SIRT2: variants seen among roughly 807,000 people sequenced by gnomAD.
SIRT2 encodes the protein sirtuin 2.
Under a neutral mutation model 57.4 loss-of-function variants are expected in SIRT2, and 40 were observed. That is an observed-to-expected ratio of 0.70 (90% CI 0.54 to 0.91). The LOEUF (loss-of-function observed/expected upper bound fraction) is 0.91. Among genes scored for constraint, SIRT2 ranks in the 40% least tolerant of loss-of-function variants. SIRT2 has a pLI of 0.00. For synonymous variants in SIRT2, 161 were observed against 195.7 expected, an observed-to-expected ratio of 0.82 and a Z score of 1.48; for missense variants, 439 against 510.4, an observed-to-expected ratio of 0.86 and a Z score of 1.35.
chr19:38,889,404 C>A, intron 7 of SIRT2: 1 of 697,424 alleles, frequency 1.4e-6, no homozygotes, highest in Admixed American at 2.1e-5. Context: ...CCCAGGCAGC[C>A]CGGCTGCAGG....
intron 13 of SIRT2, 32 bp from the exon 14 acceptor site, chr19:38,879,734 G>A: frequency 1.3e-6 from 2 of 1,522,470 alleles, no homozygotes; most frequent in South Asian, 1.2e-5. Flanking sequence ...AGGGGCAGGA[G>A]CAGGGAAGGG....
At chr19:38,885,623 G>T (rs1442411570) in intron 8 of SIRT2, among the ~76,000 whole-genome samples, 2 of 133,522 alleles carry the variant, frequency 1.5e-5, no homozygotes, top group Admixed American at 8.5e-5. Flanking sequence ...ACGGAGTCTT[G>T]CTCTGTTGCC....
rs773922002 is a variant in SIRT2, at chr19:38,883,618, C to T, written c.631+9G>A. 1.9e-5 allele frequency: 31 copies of T among 1,612,322 alleles called. No individual in the cohort carries two copies. In the South Asian group the frequency reaches 2.9e-4, roughly 15 times the overall value. ...GGAGGCCTGCCCTCAGGATGCCCTC[C>T]AGCCTCACCTTTCATCCAGCTTAGC... is the stretch of plus-strand genomic sequence containing the variant. On this transcript the variant is annotated intron_variant, in intron 9 of 15. Transcript: ENST00000249396.
At chr19:38,889,370 T>C in intron 7 of SIRT2, 2 of 715,014 alleles carry the variant, frequency 2.8e-6, no homozygotes, top group Non-Finnish European at 5.2e-6. Flanking sequence ...ACACGGTGGG[T>C]AAGCTGCAGA....
chr19:38,878,853 G>T lies in SIRT2; in HGVS notation c.*302C>A, dbSNP rs200434449. 8.7e-5 allele frequency: 28 copies of T among 321,530 alleles called. No homozygotes were observed. The highest frequency in any genetic ancestry group is 6.0e-4 in the African/African-American group (28 of 46,324). 19.9% of individuals were successfully genotyped at this position (321,530 alleles called of 1,614,324 possible). On this transcript the variant is annotated 3_prime_UTR_variant, in exon 16 of 16. Coordinates refer to ENST00000249396, the MANE Select transcript of SIRT2 (RefSeq NM_012237.4). ...GTCCTGGAAGAGTTAAAAGTTCTGGGGTAGCCCTGGCCCCGTGGGGGCAGT... is the reference window on the plus strand; with the variant it reads ...GTCCTGGAAGAGTTAAAAGTTCTGGTGTAGCCCTGGCCCCGTGGGGGCAGT...
Position 38,898,442 on chromosome 19 carries a change from G to T in SIRT2, c.17-17C>A. 6.6e-7 allele frequency: 1 copy of T among 1,507,398 alleles called. No homozygotes were observed. Among genetic ancestry groups the T allele is most frequent in the Non-Finnish European group, 9.0e-7 (1 of 1,117,108 alleles). The allele number at this position is 1,507,398 out of a possible 1,614,324, so 93.4% of individuals were successfully genotyped here. On this transcript the variant is annotated splice_polypyrimidine_tract_variant and intron_variant, in intron 1 of 15. Coordinates refer to ENST00000249396, the MANE Select transcript of SIRT2 (RefSeq NM_012237.4). ...GGTGAGAGGCTGGGGGAGGGGAGCAGAGGTGGTTACAGTGGGGAGAACGAT... is the reference window on the plus strand; with the variant it reads ...GGTGAGAGGCTGGGGGAGGGGAGCATAGGTGGTTACAGTGGGGAGAACGAT...
chr19:38,893,899 G>C, intron 2 of SIRT2, 32 bp from the exon 3 acceptor site: 1 of 1,613,502 alleles, frequency 6.2e-7, no homozygotes, highest in Middle Eastern at 1.7e-4. Context: ...GGCCAGGCCC[G>C]AGAGGTGGGA....
Position 38,879,246 on chromosome 19 carries a change from ACCCCCG to A in SIRT2, c.1073_1078del (p.Ala358_Gly359del). On this transcript the variant is annotated inframe_deletion, in exon 16 of 16. Transcript: ENST00000249396. ...GGAAGCTGAAGTGCTGGGGTTGGGG[ACCCCCG>A]CCCCCGACTGGGCATCTATGCTGGC... The A allele has an allele frequency of 6.2e-7, 1 of 1,601,534 alleles. No individual in the cohort carries two copies.
At chr19:38,891,953 G>C (rs1568403882) in intron 4 of SIRT2, 3 of 469,130 alleles carry the variant, frequency 6.4e-6, no homozygotes, top group Admixed American at 4.7e-5. Flanking sequence ...GCCTGAGGAG[G>C]GAGACAGTGG....
At chr19:38,889,536 C>G in intron 7 of SIRT2, 153 bp downstream of exon 7, 1 of 812,160 alleles carries the variant, frequency 1.2e-6, no homozygotes, top group Non-Finnish European at 2.0e-6. Flanking sequence ...GATGAAGACA[C>G]GAGGAACCAG....
At chr19:38,894,484 G>A (rs181462482) in intron 2 of SIRT2, 88 of 233,512 alleles carry the variant, frequency 3.8e-4, no homozygotes, top group South Asian at 1.1e-3. Context: ...AGCACCAGGG[G>A]CGGGGGAAGT....
intron 2 of SIRT2, among the ~76,000 whole-genome samples, chr19:38,897,076 G>A (rs4802998): frequency 0.71 from 108,219 of 152,152 alleles, 39,416 homozygotes; most frequent in East Asian, 0.97. Flanking sequence ...GCCGAGGGAC[G>A]GGGGATAAGT....
intron 9 of SIRT2, among the ~76,000 whole-genome samples, chr19:38,882,911 A>G (rs962647262): frequency 4.6e-5 from 7 of 152,048 alleles, no homozygotes; most frequent in Admixed American, 3.9e-4. Context: ...AGGAATCCTC[A>G]GCCCAGGGGC....
intron 8 of SIRT2, among the ~76,000 whole-genome samples, chr19:38,885,093 T>C (rs1022977590): frequency 1.3e-5 from 2 of 151,892 alleles, no homozygotes; most frequent in Admixed American, 6.6e-5. Flanking sequence ...CTGTGTTCTT[T>C]TCTTTTTTTG....
rs200416862 is a variant in SIRT2 at position 38,879,626 on chromosome 19, C to A, written c.947+6G>T. 1.9e-6 allele frequency: 3 copies of A among 1,567,710 alleles called. No homozygotes were observed. The highest frequency in any genetic ancestry group is 2.6e-6 in the Non-Finnish European group (3 of 1,156,004). On this transcript the variant is annotated splice_donor_region_variant and intron_variant, in intron 14 of 15. Coordinates refer to ENST00000249396, the MANE Select transcript of SIRT2 (RefSeq NM_012237.4). Reference sequence around the variant, plus strand: ...CAGGCTGCCCCAACCCCCGGCGGGGCCTCACCTGTAGGCCTTCTTGGAGTC... The same window carrying A: ...CAGGCTGCCCCAACCCCCGGCGGGGACTCACCTGTAGGCCTTCTTGGAGTC...
chr19:38,895,402 A>T (rs149390850), intron 2 of SIRT2, among the ~76,000 whole-genome samples: 5 of 152,230 alleles, frequency 3.3e-5, no homozygotes, highest in African/African-American at 1.2e-4. Context: ...GGTGCCCAGC[A>T]CTGAGAACAG....
At chr19:38,881,052 A>C in intron 11 of SIRT2, 48 bp downstream of exon 11, 1 of 1,593,864 alleles carries the variant, frequency 6.3e-7, no homozygotes, top group Non-Finnish European at 8.6e-7. Flanking sequence ...GGCCCAGCAC[A>C]GGTGGAGGCG....
chr19:38,889,187 C>A, intron 7 of SIRT2, 32 bp from the exon 8 acceptor site: 1 of 1,598,604 alleles, frequency 6.3e-7, no homozygotes, highest in Non-Finnish European at 8.6e-7. Context: ...CTGCTGACGA[C>A]TGCAGGGAAC....
rs202225244 is a variant in SIRT2 at position 38,898,418 on chromosome 19, G to A, written c.24C>T (p.His8=). The part of the protein sequence containing the change: MAEPDPS[H]PLETQAGKVQ... The stretch of plus-strand genomic sequence containing the variant: ...CCTTCCCTGCCTGGGTCTCCAGAGG[G>A]TGAGAGGCTGGGGGAGGGGAGCAGA... The change falls in exon 2 of 16, where the codon CAC becomes CAT. Residue 8 remains histidine, a synonymous_variant. Transcript: ENST00000249396. 6.5e-7 allele frequency: 1 copy of A among 1,549,832 alleles called. No individual in the cohort carries two copies. Among genetic ancestry groups the A allele is most frequent in the East Asian group, 2.3e-5 (1 of 42,984 alleles).
Sources: allele counts gnomAD v4.1 joint callset (sites outside exome capture counted in the v4.1 genomes callset), GRCh38; gene constraint gnomAD v4.1.1; transcripts MANE v1.5; gene names NCBI Gene and HGNC (gene_info 2026-07-23, HGNC 2026-07-21).